Variants in ADRA2C observed in about 807,000 individuals in gnomAD.
ADRA2C encodes alpha-2C adrenergic receptor.
A neutral mutation model predicts 7.9 loss-of-function variants in ADRA2C; 4 were observed. The observed-to-expected ratio is 0.51, with a 90% CI of 0.25 to 1.16. The LOEUF is 1.16. Among genes scored for constraint, ADRA2C ranks in the 50% most tolerant of loss-of-function variants. The probability of loss-of-function intolerance (pLI) is 0.15; values close to 1 mark genes in which losing one functional copy is unlikely to be tolerated. For missense variants in ADRA2C, 589 were observed against 677.7 expected (o/e 0.87, Z 1.45); for synonymous variants, 368 against 328.9 (o/e 1.12, Z -1.29).
At position 3,767,365 on chromosome 4, in the gene ADRA2C, C is replaced by G; in HGVS notation, c.759C>G (p.Pro253=). 1.3e-6 allele frequency: 2 copies of G among 1,542,886 alleles called. No homozygotes were observed. The highest frequency in any genetic ancestry group is 8.7e-7 in the Non-Finnish European group (1 of 1,147,624). The change falls in exon 1 of 1, where the codon CCC becomes CCG. Residue 253 remains proline (P), a synonymous_variant. Transcript: ENST00000330055. The part of the protein sequence containing the change: ...TLSEKRAPVG[P]DGASPTTENG... ...GCGAGAAGCGCGCCCCCGTGGGCCC[C>G]GACGGTGCGTCCCCGACTACCGAAA...
Position 3,767,702 on chromosome 4 carries a change from A to T in ADRA2C, c.1096A>T (p.Ser366Cys), listed in dbSNP as rs764347832. The change falls in exon 1 of 1, where the codon AGC (serine) becomes TGC (cysteine). Residue 366 changes from serine to cysteine, a missense_variant. Physicochemically the swap from Ser to Cys is moderately radical, Grantham distance 112 (BLOSUM62 -1). Coordinates refer to ENST00000330055, the MANE Select transcript of ADRA2C (RefSeq NM_000683.4). ...GTCGCGCCGGCGCCGGGCGCGCAGC[A>T]GCGTGTGCCGCCGCAAGGTGGCCCA... ...FLSRRRRARS[S>C]VCRRKVAQAR... 6.2e-7 allele frequency: 1 copy of T among 1,607,942 alleles called. No individual in the cohort carries two copies. The highest frequency in any genetic ancestry group is 8.5e-7 in the Non-Finnish European group (1 of 1,177,920).
At position 3,767,352 on chromosome 4, in the gene ADRA2C, C is replaced by G. The variant is rs1012700703; in HGVS notation, c.746C>G (p.Ala249Gly). Reference protein sequence around the residue: ...LRTRTLSEKRAPVGPDGASPT... With the variant: ...LRTRTLSEKRGPVGPDGASPT... ...ACGCGCACGCTCAGCGAGAAGCGCG[C>G]CCCCGTGGGCCCCGACGGTGCGTCC... The change falls in exon 1 of 1, where the codon GCC (alanine) becomes GGC (glycine). Residue 249 changes from alanine (A) to glycine (G), a missense_variant. Ala to Gly is a moderately conservative substitution (Grantham distance 60). Coordinates refer to ENST00000330055, the MANE Select transcript of ADRA2C (RefSeq NM_000683.4). The G allele has an allele frequency of 6.5e-7, 1 of 1,547,438 alleles. No individual in the cohort carries two copies. The highest frequency in any genetic ancestry group is 1.4e-5 in the African/African-American group (1 of 73,130).
At position 3,766,617 on chromosome 4, in the gene ADRA2C, C is replaced by A. The variant is rs1735446787; in HGVS notation, c.11C>A (p.Pro4Gln). ...GCTCGCGGGAGGACCATGGCGTCCC[C>A]GGCGCTGGCGGCGGCGCTGGCGGTG... MAS[P>Q]ALAAALAVAA... The change falls in exon 1 of 1, where the codon CCG (proline) becomes CAG (glutamine). Residue 4 changes from proline to glutamine, a missense_variant. Physicochemically the swap from Pro to Gln is moderately conservative, Grantham distance 76 (BLOSUM62 -1). Transcript: ENST00000330055. This position sits in a 1 kb window ranked among gnomAD's most constrained non-coding sequence, Gnocchi z 4.5. The A allele has an allele frequency of 1.7e-6, 2 of 1,192,958 alleles. No individual in the cohort carries two copies. Among genetic ancestry groups the A allele is most frequent in the Non-Finnish European group, 2.1e-6 (2 of 964,862 alleles). The allele number at this position is 1,192,958 out of a possible 1,614,324, so 73.9% of individuals were successfully genotyped here.
Position 3,767,852 on chromosome 4 carries a change from G to A in ADRA2C, c.1246G>A (p.Gly416Ser). The A allele has an allele frequency of 2.5e-6, 4 of 1,613,078 alleles. No homozygotes were observed. Among genetic ancestry groups the A allele is most frequent in the Non-Finnish European group, 3.4e-6 (4 of 1,179,896 alleles). ...CTGCCGCGAGGCCTGCCAGGTGCCC[G>A]GCCCGCTCTTCAAGTTCTTCTTCTG... is the stretch of plus-strand genomic sequence containing the variant. ...GICREACQVP[G>S]PLFKFFFWIG... The change falls in exon 1 of 1, where the codon GGC becomes AGC. Residue 416 changes from glycine (G) to serine (S), a missense_variant. Physicochemically the swap from Gly to Ser is moderately conservative, Grantham distance 56. Coordinates refer to ENST00000330055, the MANE Select transcript of ADRA2C (RefSeq NM_000683.4).
In ADRA2C at chr4:3,767,436, C is replaced by T. The variant is rs750338404; in HGVS notation, c.830C>T (p.Ala277Val). Residue 277 changes from alanine (A) to valine (V), a missense_variant, in exon 1 of 1, where the codon GCG becomes GTG. By Grantham distance (64) the Ala-to-Val change is moderately conservative. Coordinates refer to ENST00000330055, the MANE Select transcript of ADRA2C (RefSeq NM_000683.4). ...GGCGCAGGCGAGAACGGGCACTGCG[C>T]GCCCCCGCCCGCCGACGTGGAGCCG... ...AAGAGENGHCAPPPADVEPDE... is the reference protein window; with the variant it reads ...AAGAGENGHCVPPPADVEPDE... The T allele has an allele frequency of 1.9e-5, 28 of 1,501,364 alleles. No homozygotes were observed. In the South Asian group the frequency reaches 3.6e-4, roughly 19 times the overall value. 93.0% of individuals were successfully genotyped at this position (1,501,364 alleles called of 1,614,324 possible).
chr4:3,768,085 G>GGGAGCTTTCCCAGAGACCCGT lies in ADRA2C; in HGVS notation c.*93_*94insGCTTTCCCAGAGACCCGTGGA. ...ACGGGGGAGCTTTCCCAGAGACCCG[G>GGGAGCTTTCCCAGAGACCCGT]GGATGGATTGGCCTCCAGGGCGCAG... is the stretch of plus-strand genomic sequence containing the variant. On this transcript the variant is annotated 3_prime_UTR_variant, in exon 1 of 1. Transcript: ENST00000330055. The GGGAGCTTTCCCAGAGACCCGT allele has an allele frequency of 1.7e-6, 2 of 1,172,158 alleles. No homozygotes were observed. The highest frequency in any genetic ancestry group is 1.2e-6 in the Non-Finnish European group (1 of 819,262). The allele number at this position is 1,172,158 out of a possible 1,614,324, so 72.6% of individuals were successfully genotyped here. A position where few individuals can be genotyped will look rare whatever the true frequency, so the allele number is the denominator to read the frequency against.
chr4:3,767,426 G>C lies in ADRA2C; in HGVS notation c.820G>C (p.Gly274Arg), dbSNP rs1284186304. ...LGAAAGAGEN[G>R]HCAPPPADVE... The stretch of plus-strand genomic sequence containing the variant: ...CGCGGCGGCAGGCGCAGGCGAGAAC[G>C]GGCACTGCGCGCCCCCGCCCGCCGA... The change falls in exon 1 of 1, where the codon GGG (glycine) becomes CGG (arginine). Residue 274 changes from glycine (G) to arginine (R), a missense_variant. Physicochemically the swap from Gly to Arg is moderately radical, Grantham distance 125. Transcript: ENST00000330055. The C allele has an allele frequency of 7.2e-6, 11 of 1,521,754 alleles. No homozygotes were observed. Among genetic ancestry groups the C allele is most frequent in the South Asian group, 3.7e-5 (3 of 82,076 alleles). The allele number at this position is 1,521,754 out of a possible 1,614,324, so 94.3% of individuals were successfully genotyped here. A position where few individuals can be genotyped will look rare whatever the true frequency, so the allele number is the denominator to read the frequency against.
In ADRA2C at chr4:3,767,175, T is replaced by C; in HGVS notation, c.569T>C (p.Leu190Pro). 1 of 1,609,890 alleles carries C rather than the reference T, an allele frequency of 6.2e-7. No individual in the cohort carries two copies. The highest frequency in any genetic ancestry group is 1.1e-5 in the South Asian group (1 of 90,980). ...ATCTCCTTCCCGCCGCTGGTCTCGC[T>C]CTACCGCCAGCCCGACGGCGCCGCC... ...AVISFPPLVS[L>P]YRQPDGAAYP... is the part of the protein sequence containing the mutation. The change falls in exon 1 of 1, where the codon CTC (leucine) becomes CCC (proline). Residue 190 changes from leucine to proline, a missense_variant. By Grantham distance (98) the Leu-to-Pro change is moderately conservative. Transcript: ENST00000330055.
Position 3,768,058 on chromosome 4 carries a change from G to C in ADRA2C, c.*63G>C. ...CGGGGCTGGGCAGAAGGGGCGGCCC[G>C]GACGGGGGAGCTTTCCCAGAGACCC... On this transcript the variant is annotated 3_prime_UTR_variant, in exon 1 of 1. Transcript: ENST00000330055. 6.4e-7 allele frequency: 1 copy of C among 1,558,622 alleles called. No individual in the cohort carries two copies. The highest frequency in any genetic ancestry group is 8.7e-7 in the Non-Finnish European group (1 of 1,149,108).
chr4:3,767,364 C>T lies in ADRA2C; in HGVS notation c.758C>T (p.Pro253Leu). The T allele has an allele frequency of 6.5e-7, 1 of 1,543,318 alleles. No individual in the cohort carries two copies. Among genetic ancestry groups the T allele is most frequent in the Non-Finnish European group, 8.7e-7 (1 of 1,147,834 alleles). Residue 253 changes from proline to leucine, a missense_variant, in exon 1 of 1, where the codon CCC (proline) becomes CTC (leucine). Physicochemically the swap from Pro to Leu is moderately conservative, Grantham distance 98 (BLOSUM62 -3). Coordinates refer to ENST00000330055, the MANE Select transcript of ADRA2C (RefSeq NM_000683.4). ...AGCGAGAAGCGCGCCCCCGTGGGCC[C>T]CGACGGTGCGTCCCCGACTACCGAA... ...TLSEKRAPVGPDGASPTTENG... is the reference protein window; with the variant it reads ...TLSEKRAPVGLDGASPTTENG...
chr4:3,767,314 G>T lies in ADRA2C; in HGVS notation c.708G>T (p.Val236=). The part of the protein sequence containing the change: ...MGLVYARIYR[V]AKLRTRTLSE... ...TGGTCTACGCGCGCATCTACCGAGT[G>T]GCCAAGCTGCGCACGCGCACGCTCA... The change falls in exon 1 of 1, where the codon GTG becomes GTT. Residue 236 remains valine (V), a synonymous_variant. Transcript: ENST00000330055. The T allele has an allele frequency of 6.3e-7, 1 of 1,586,844 alleles. No homozygotes were observed.
chr4:3,768,203 C>T lies in ADRA2C; in HGVS notation c.*208C>T. On this transcript the variant is annotated 3_prime_UTR_variant, in exon 1 of 1. Transcript: ENST00000330055. ...GGGGGAGACCCCTTTGCCTTCCCCC[C>T]TCAGCAAGGGGCTGCTTCTGGGGCT... The T allele has an allele frequency of 1.4e-6, 1 of 724,112 alleles. No homozygotes were observed. The highest frequency in any genetic ancestry group is 2.5e-6 in the Non-Finnish European group (1 of 392,684). 44.9% of individuals were successfully genotyped at this position (724,112 alleles called of 1,614,324 possible). A position where few individuals can be genotyped will look rare whatever the true frequency, so the allele number is the denominator to read the frequency against.
rs752352522 is a variant in ADRA2C at position 3,767,143 on chromosome 4, G to T, written c.537G>T (p.Ser179=). The T allele has an allele frequency of 5.6e-6, 9 of 1,608,396 alleles. No individual in the cohort carries two copies. Among genetic ancestry groups the T allele is most frequent in the Non-Finnish European group, 6.8e-6 (8 of 1,179,676 alleles). The stretch of plus-strand genomic sequence containing the variant: ...CCATCGTGGCCGTGTGGCTCATCTC[G>T]GCCGTCATCTCCTTCCCGCCGCTGG... ...KATIVAVWLI[S]AVISFPPLVS... The change falls in exon 1 of 1, where the codon TCG becomes TCT. Residue 179 remains serine (S), a synonymous_variant. Transcript: ENST00000330055.
At position 3,768,404 on chromosome 4, in the gene ADRA2C, G is replaced by A. The variant is rs1462320831; in HGVS notation, c.*409G>A. ...GACTTCTCCAGGACCTAGTCGGGGG[G>A]TGGCTGCCAGGGGGCAAGGAGAAAG... On this transcript the variant is annotated 3_prime_UTR_variant, in exon 1 of 1. Transcript: ENST00000330055. 1.6e-6 allele frequency: 1 copy of A among 630,948 alleles called. No individual in the cohort carries two copies. 39.1% of individuals were successfully genotyped at this position (630,948 alleles called of 1,614,324 possible).
At position 3,767,014 on chromosome 4, in the gene ADRA2C, C is replaced by G. The variant is rs138457504; in HGVS notation, c.408C>G (p.Thr136=). Residue 136 remains threonine, a synonymous_variant, in exon 1 of 1, where the codon ACC becomes ACG. Transcript: ENST00000330055. ...TGGCGCTCGATGTGCTGTTTTGCAC[C>G]TCGTCGATCGTGCATCTGTGTGCCA... is the stretch of plus-strand genomic sequence containing the variant. The part of the protein sequence containing the change: ...VYLALDVLFC[T]SSIVHLCAIS... The G allele has an allele frequency of 8.5e-3, 13,676 of 1,611,408 alleles. 1,212 individuals carry two copies. In the Admixed American group the frequency reaches 0.18, roughly 21 times the overall value.
chr4:3,768,071 T>C lies in ADRA2C; in HGVS notation c.*76T>C, dbSNP rs9684147. ...AAGGGGCGGCCCGGACGGGGGAGCTTTCCCAGAGACCCGGGGATGGATTGG... is the reference window on the plus strand; with the variant it reads ...AAGGGGCGGCCCGGACGGGGGAGCTCTCCCAGAGACCCGGGGATGGATTGG... On this transcript the variant is annotated 3_prime_UTR_variant, in exon 1 of 1. Coordinates refer to ENST00000330055, the MANE Select transcript of ADRA2C (RefSeq NM_000683.4). The C allele has an allele frequency of 1.1e-4, 159 of 1,473,104 alleles. No homozygotes were observed. Among genetic ancestry groups the C allele is most frequent in the East Asian group, 9.6e-4 (41 of 42,712 alleles). The allele number at this position is 1,473,104 out of a possible 1,614,324, so 91.3% of individuals were successfully genotyped here.
rs991391504 is a variant in ADRA2C, at chr4:3,766,576, C to T, written c.-31C>T. The T allele has an allele frequency of 1.7e-6, 2 of 1,149,660 alleles. No individual in the cohort carries two copies. Among genetic ancestry groups the T allele is most frequent in the Non-Finnish European group, 2.1e-6 (2 of 936,344 alleles). The allele number at this position is 1,149,660 out of a possible 1,614,324, so 71.2% of individuals were successfully genotyped here. On this transcript the variant is annotated 5_prime_UTR_variant, in exon 1 of 1. Coordinates refer to ENST00000330055, the MANE Select transcript of ADRA2C (RefSeq NM_000683.4). The surrounding 1 kb of genome is among the most constrained non-coding windows in gnomAD (Gnocchi z 4.5). ...AGCTGCCGCGGCTGCGCCCCGGCTC[C>T]AGGAGGGACGGCGTAGCTCGCGGGA...
In ADRA2C at chr4:3,767,982, G is replaced by T. The variant is rs1327954063; in HGVS notation, c.1376G>T (p.Gly459Val). Reference protein sequence around the residue: ...KHILFRRRRRGFRQ With the variant: ...KHILFRRRRRVFRQ Reference sequence around the variant, plus strand: ...ATCCTCTTCCGACGGAGGAGAAGGGGCTTCAGGCAGTGACTCGCACCCGTC... The same window carrying T: ...ATCCTCTTCCGACGGAGGAGAAGGGTCTTCAGGCAGTGACTCGCACCCGTC... The change falls in exon 1 of 1, where the codon GGC becomes GTC. Residue 459 changes from glycine (G) to valine (V), a missense_variant. Transcript: ENST00000330055. The T allele has an allele frequency of 6.2e-7, 1 of 1,606,504 alleles. No homozygotes were observed. Among genetic ancestry groups the T allele is most frequent in the African/African-American group, 1.3e-5 (1 of 74,794 alleles).
Position 3,767,873 on chromosome 4 carries a change from T to C in ADRA2C, c.1267T>C (p.Phe423Leu), listed in dbSNP as rs775469480. Residue 423 changes from phenylalanine (F) to leucine (L), a missense_variant, in exon 1 of 1, where the codon TTC becomes CTC. Transcript: ENST00000330055. The part of the protein sequence containing the change: ...QVPGPLFKFF[F>L]WIGYCNSSLN... Reference sequence around the variant, plus strand: ...GCCCGGCCCGCTCTTCAAGTTCTTCTTCTGGATCGGCTACTGCAACAGCTC... The same window carrying C: ...GCCCGGCCCGCTCTTCAAGTTCTTCCTCTGGATCGGCTACTGCAACAGCTC... The C allele has an allele frequency of 6.2e-6, 10 of 1,613,072 alleles. No homozygotes were observed. Among genetic ancestry groups the C allele is most frequent in the Non-Finnish European group, 8.5e-6 (10 of 1,179,970 alleles).
Sources: allele counts gnomAD v4.1 joint callset, GRCh38; gene constraint gnomAD v4.1.1; non-coding constraint Gnocchi (gnomAD v3.1); transcripts MANE v1.5; gene names NCBI Gene and HGNC (gene_info 2026-07-23, HGNC 2026-07-21).